The following LDAH variants were observed in gnomAD, a reference collection of about 807,000 sequenced individuals.
The protein encoded by LDAH is lipid droplet associated hydrolase.
In LDAH, 26 loss-of-function variants were observed where a neutral mutation model predicts 29.6. That is an observed-to-expected ratio of 0.88 (90% CI 0.64 to 1.22). The LOEUF is 1.22. Among genes scored for constraint, LDAH ranks in the 50% most tolerant of loss-of-function variants. The pLI, the probability that LDAH is intolerant of heterozygous loss-of-function variation, is 0.00. For missense variants in LDAH, 344 were observed against 387.3 expected (o/e 0.89, Z 0.94); for synonymous variants, 117 against 133.0 (o/e 0.88, Z 0.83).
chr2:20,759,209 C>T (rs901537696), intron 4 of LDAH, among the ~76,000 whole-genome samples: 16 of 152,166 alleles, frequency 1.1e-4, no homozygotes, highest in African/African-American at 3.9e-4. Flanking sequence ...TTCATGCATG[C>T]TCCCTCTGGT....
intron 3 of LDAH, among the ~76,000 whole-genome samples, chr2:20,776,766 G>A (rs1040704793): frequency 6.6e-6 from 1 of 152,170 alleles, no homozygotes; most frequent in East Asian, 1.9e-4. Flanking sequence ...CTACCCAGAA[G>A]TGATCATATC....
intron 4 of LDAH, among the ~76,000 whole-genome samples, chr2:20,761,288 A>T (rs1003279278): frequency 6.7e-6 from 1 of 150,270 alleles, no homozygotes; most frequent in Non-Finnish European, 1.5e-5. Context: ...TAATTAAATG[A>T]AAAAAAAAAT....
chr2:20,708,399 G>A (rs1156867077), intron 5 of LDAH, among the ~76,000 whole-genome samples: 1 of 152,140 alleles, frequency 6.6e-6, no homozygotes, highest in East Asian at 1.9e-4. Context: ...ACAAAACTGT[G>A]TCCCATAACA....
At chr2:20,743,667 T>C (rs1359681978) in intron 4 of LDAH, among the ~76,000 whole-genome samples, 3 of 152,168 alleles carry the variant, frequency 2.0e-5, no homozygotes, top group African/African-American at 7.2e-5. Flanking sequence ...CCCTCTCTGA[T>C]GCTCTTCTTT....
intron 1 of LDAH, among the ~76,000 whole-genome samples, chr2:20,805,111 A>G (rs573560284): frequency 6.6e-6 from 1 of 152,348 alleles, no homozygotes; most frequent in African/African-American, 2.4e-5. Flanking sequence ...AAGTTGTTAA[A>G]TATATTCAAA....
At chr2:20,759,227 T>G (rs968298672) in intron 4 of LDAH, among the ~76,000 whole-genome samples, 4 of 152,190 alleles carry the variant, frequency 2.6e-5, no homozygotes, top group African/African-American at 9.7e-5. Context: ...GGTCTCTATA[T>G]GACTGACCCT....
At chr2:20,722,269 G>A (rs369880601) in intron 5 of LDAH, among the ~76,000 whole-genome samples, 6 of 151,774 alleles carry the variant, frequency 4.0e-5, no homozygotes, top group African/African-American at 9.7e-5. Flanking sequence ...GGCTACTGGC[G>A]GGGGAAGGTG....
chr2:20,784,834 C>G (rs1028013676), intron 3 of LDAH, among the ~76,000 whole-genome samples: 45 of 151,938 alleles, frequency 3.0e-4, no homozygotes, highest in African/African-American at 1.0e-3. Flanking sequence ...CTGCAGTGGG[C>G]CAAGATTGTA....
intron 6 of LDAH, among the ~76,000 whole-genome samples, chr2:20,696,212 G>A (rs1305149384): frequency 6.6e-6 from 1 of 152,182 alleles, no homozygotes; most frequent in Non-Finnish European, 1.5e-5. Context: ...CAGCAGGCAG[G>A]ACATGTGCAT....
chr2:20,745,677 GAT>G (rs1667519437), intron 4 of LDAH, among the ~76,000 whole-genome samples: 1 of 151,956 alleles, frequency 6.6e-6, no homozygotes, highest in African/African-American at 2.4e-5. Context: ...TAAAAAATAA[GAT>G]ATAATTGAGG....
chr2:20,770,072 C>CA, intron 4 of LDAH, among the ~76,000 whole-genome samples: 1 of 152,190 alleles, frequency 6.6e-6, no homozygotes, highest in East Asian at 1.9e-4. Flanking sequence ...ATAACACTAT[C>CA]AAAATAATAG....
intron 5 of LDAH, among the ~76,000 whole-genome samples, chr2:20,733,815 A>T (rs1473686052): frequency 6.6e-6 from 1 of 152,166 alleles, no homozygotes; most frequent in Non-Finnish European, 1.5e-5. Flanking sequence ...CTAGGATTAC[A>T]GTTGTGAGCT....
At chr2:20,768,242 A>G (rs1157868730) in intron 4 of LDAH, among the ~76,000 whole-genome samples, 1 of 152,206 alleles carries the variant, frequency 6.6e-6, no homozygotes, top group East Asian at 1.9e-4. Context: ...GCGAGTGAAG[A>G]GAAGGAGAGA....
intron 4 of LDAH, among the ~76,000 whole-genome samples, chr2:20,766,928 G>A (rs1028643739): frequency 5.3e-5 from 8 of 152,138 alleles, no homozygotes; most frequent in South Asian, 2.1e-4. Context: ...GCGCAGGGCC[G>A]CCCAGGGCTC....
Position 20,823,083 on chromosome 2 carries a change from G to A in LDAH, c.-49C>T, listed in dbSNP as rs554477950. ...CGCTCTCCCTGAGGGTCCTGGGAAG[G>A]CGGCACGAGACCGGAAGTGCCCCCC... On this transcript the variant is annotated 5_prime_UTR_variant, in exon 1 of 7. Transcript: ENST00000237822. 6.6e-6 allele frequency: 1 copy of A among 152,440 alleles called. No homozygotes were observed. The highest frequency in any genetic ancestry group is 1.9e-4 in the East Asian group (1 of 5,166). The allele number at this position is 152,440 out of a possible 1,614,324, so 9.4% of individuals were successfully genotyped here.
chr2:20,698,753 T>C lies in LDAH; in HGVS notation c.786+2817A>G, dbSNP rs1290937583. On this transcript the variant is annotated intron_variant, in intron 6 of 6. Transcript: ENST00000237822. This position sits in a 1 kb window ranked among gnomAD's most constrained non-coding sequence, Gnocchi z 4.4. ...TGGTATACTCCTTTGGAAACAACCA[T>C]GAGTCTGTTATATTTGCTCCAGGAA... Among the ~76,000 whole-genome samples, 1 of 152,188 alleles carries C rather than the reference T, an allele frequency of 6.6e-6. No homozygotes were observed. Among genetic ancestry groups the C allele is most frequent in the African/African-American group, 2.4e-5 (1 of 41,454 alleles).
chr2:20,716,215 TC>T (rs1665167208), intron 5 of LDAH, among the ~76,000 whole-genome samples: 1 of 152,130 alleles, frequency 6.6e-6, no homozygotes, highest in Admixed American at 6.5e-5. Context: ...GATCCAGCGA[TC>T]CCATTACTGG....
chr2:20,741,927 A>G (rs1667204861), intron 4 of LDAH, among the ~76,000 whole-genome samples: 1 of 152,224 alleles, frequency 6.6e-6, no homozygotes. Context: ...TTCAATGGAC[A>G]TGGAGTACAT....
At chr2:20,753,809 AC>A (rs1417033559) in intron 4 of LDAH, among the ~76,000 whole-genome samples, 5 of 152,340 alleles carry the variant, frequency 3.3e-5, no homozygotes, top group South Asian at 2.1e-4. Context: ...TGCCTAATAA[AC>A]ATCTTGCTTA....
Sources: gnomAD v4.1 joint callset for allele counts (sites outside exome capture counted in the v4.1 genomes callset) on GRCh38, gnomAD v4.1.1 for gene constraint, Gnocchi (gnomAD v3.1) non-coding constraint, MANE v1.5 for transcripts, NCBI Gene and HGNC (gene_info 2026-07-23, HGNC 2026-07-21) for gene names.